Variants in FAM169A observed in about 807,000 individuals in gnomAD.
FAM169A encodes the protein soluble lamin-associated protein of 75 kDa.
A neutral mutation model predicts 75.7 loss-of-function variants in FAM169A; 24 were observed. The observed-to-expected ratio is 0.32, with a 90% confidence interval of 0.23 to 0.45. The LOEUF is 0.45. Ranked by LOEUF, FAM169A falls within the 20% of genes least tolerant of loss-of-function variation. The pLI is 1.00. For missense variants in FAM169A, 673 were observed against 784.0 expected, an observed-to-expected ratio of 0.86 and a Z score of 1.69; for synonymous variants, 271 against 271.0, an observed-to-expected ratio of 1.00 and a Z score of 0.00.
intron 1 of FAM169A, among the ~76,000 whole-genome samples, chr5:74,842,210 CAGG>C (rs1748907461): frequency 1.3e-5 from 2 of 151,084 alleles, no homozygotes; most frequent in African/African-American, 4.9e-5. Context: ...ATCATGAGGT[CAGG>C]AGTTCAAGAC....
At chr5:74,801,788 C>T (rs1303729620) in intron 8 of FAM169A, among the ~76,000 whole-genome samples, 159 bp from the exon 9 acceptor site, 2 of 152,164 alleles carry the variant, frequency 1.3e-5, no homozygotes, top group Admixed American at 1.3e-4. Flanking sequence ...TATAGTTCAG[C>T]TTCAGTTTAA....
Position 74,781,446 on chromosome 5 carries a change from A to G in FAM169A, c.*14T>C. ...TTACAAAGAAGAGGATTTATCATCC[A>G]CTTTCTTCTTCCTTCAGGTCAGCTT... is the stretch of plus-strand genomic sequence containing the variant. On this transcript the variant is annotated 3_prime_UTR_variant, in exon 13 of 13. Coordinates refer to ENST00000687041, the MANE Select transcript of FAM169A (RefSeq NM_001376049.1). The G allele has an allele frequency of 1.2e-6, 2 of 1,601,448 alleles. No individual in the cohort carries two copies. The highest frequency in any genetic ancestry group is 1.7e-6 in the Non-Finnish European group (2 of 1,171,752).
rs143812045 is a variant in FAM169A, at chr5:74,787,621, C to T, written c.1261-4487G>A. Among the ~76,000 whole-genome samples, 157 of 152,288 alleles carry T rather than the reference C, an allele frequency of 1.0e-3. 1 individual carries two copies. The highest frequency in any genetic ancestry group is 3.5e-3 in the African/African-American group (144 of 41,568). ...AGTCACTCAACTACAAAATTTAGAA[C>T]GGGAATAATTGGATCCTGACGTGGC... On this transcript the variant is annotated intron_variant, in intron 11 of 12. Coordinates refer to ENST00000687041, the MANE Select transcript of FAM169A (RefSeq NM_001376049.1).
At chr5:74,855,352 T>C (rs1749654229) in intron 1 of FAM169A, among the ~76,000 whole-genome samples, 5 of 152,230 alleles carry the variant, frequency 3.3e-5, no homozygotes, top group Admixed American at 2.0e-4. Context: ...TGCACCACCA[T>C]GTTCAGCTAA....
chr5:74,782,793 C>G, intron 12 of FAM169A, 138 bp downstream of exon 12: 1 of 529,466 alleles, frequency 1.9e-6, no homozygotes, highest in Non-Finnish European at 3.3e-6. Context: ...CTTATAATAT[C>G]AAATCTAGTA....
At chr5:74,804,028 T>C (rs1197406893) in intron 8 of FAM169A, among the ~76,000 whole-genome samples, 1 of 152,192 alleles carries the variant, frequency 6.6e-6, no homozygotes, top group Non-Finnish European at 1.5e-5. Flanking sequence ...TGTGCTGCTA[T>C]GTAACAATCA....
chr5:74,820,970 T>A lies in FAM169A; in HGVS notation c.491-6951A>T, dbSNP rs1258234908. 2.0e-5 allele frequency among the ~76,000 whole-genome samples: 3 copies of A among 152,220 alleles called. No homozygotes were observed. In the East Asian group the frequency reaches 5.8e-4, roughly 29 times the overall value. ...GCCTCAGGGCTTCTGCATTTTCAGC[T>A]CTTTGCCTGAAAATTTCTTCTCCTG... On this transcript the variant is annotated intron_variant, in intron 5 of 12. Coordinates refer to ENST00000687041, the MANE Select transcript of FAM169A (RefSeq NM_001376049.1).
At chr5:74,856,165 T>C (rs1248244224) in intron 1 of FAM169A, among the ~76,000 whole-genome samples, 3 of 152,254 alleles carry the variant, frequency 2.0e-5, no homozygotes, top group African/African-American at 7.2e-5. Context: ...GCTGGTACCA[T>C]GCTGTTTTGA....
chr5:74,836,605 C>T (rs996938418), intron 4 of FAM169A, among the ~76,000 whole-genome samples: 4 of 152,118 alleles, frequency 2.6e-5, no homozygotes, highest in African/African-American at 9.7e-5. Flanking sequence ...TCCTTACTGG[C>T]CAGGATTTGA....
At position 74,779,545 on chromosome 5, in the gene FAM169A, G is replaced by A. The variant is rs1391221869; in HGVS notation, c.*1915C>T. The stretch of plus-strand genomic sequence containing the variant: ...GAATCTTAACAGAGTATTTCCCTTT[G>A]TGATATTGACAGAAGTTTCTCATAA... On this transcript the variant is annotated 3_prime_UTR_variant, in exon 13 of 13. Transcript: ENST00000687041. 6.6e-6 allele frequency: 1 copy of A among 151,832 alleles called. No individual in the cohort carries two copies. The highest frequency in any genetic ancestry group is 1.5e-5 in the Non-Finnish European group (1 of 67,954). 9.4% of individuals were successfully genotyped at this position (151,832 alleles called of 1,614,324 possible).
At chr5:74,807,204 T>A (rs1286994234) in intron 6 of FAM169A, among the ~76,000 whole-genome samples, 1 of 152,282 alleles carries the variant, frequency 6.6e-6, no homozygotes, top group East Asian at 1.9e-4. Context: ...CTATCAAACA[T>A]CATAGCTTAG....
chr5:74,815,713 A>G (rs1747435835), intron 5 of FAM169A, among the ~76,000 whole-genome samples: 1 of 152,200 alleles, frequency 6.6e-6, no homozygotes, highest in Non-Finnish European at 1.5e-5. Flanking sequence ...TGCAGGTCAT[A>G]AACACCCTGC....
chr5:74,826,322 G>GTTATATATA (rs1748024305), intron 5 of FAM169A, among the ~76,000 whole-genome samples: 2 of 152,024 alleles, frequency 1.3e-5, no homozygotes, highest in Non-Finnish European at 1.5e-5. Context: ...ATGACTATCT[G>GTTATATATA]TTCATAATTA....
At chr5:74,807,106 T>C (rs1746926475) in intron 6 of FAM169A, among the ~76,000 whole-genome samples, 1 of 152,150 alleles carries the variant, frequency 6.6e-6, no homozygotes, top group South Asian at 2.1e-4. Context: ...ATACAGATGC[T>C]CCCTGACTTA....
At position 74,866,156 on chromosome 5, in the gene FAM169A, C is replaced by T. The variant is rs1195553462; in HGVS notation, c.-4+9G>A. The stretch of plus-strand genomic sequence containing the variant: ...AGCGGTCCGCGCCGGGGAGAGGGAG[C>T]GCACTCACCTCAGACGCGCCCCGGG... On this transcript the variant is annotated intron_variant, in intron 1 of 12. Transcript: ENST00000687041. 5 of 979,030 alleles carry T rather than the reference C, an allele frequency of 5.1e-6. No individual in the cohort carries two copies. Among genetic ancestry groups the T allele is most frequent in the South Asian group, 9.4e-5 (2 of 21,200 alleles). The allele number at this position is 979,030 out of a possible 1,614,324, so 60.6% of individuals were successfully genotyped here.
intron 5 of FAM169A, among the ~76,000 whole-genome samples, chr5:74,820,267 A>C (rs1747707370): frequency 6.6e-6 from 1 of 152,216 alleles, no homozygotes. Flanking sequence ...AAGTGTTGGG[A>C]TTACAGGCAT....
intron 5 of FAM169A, among the ~76,000 whole-genome samples, chr5:74,822,454 T>A (rs1345097917): frequency 2.0e-5 from 3 of 152,182 alleles, no homozygotes; most frequent in Non-Finnish European, 4.4e-5. Context: ...CAGCCTCAGC[T>A]AACTTTCCTC....
intron 1 of FAM169A, chr5:74,865,393 C>T (rs1750266566): frequency 6.6e-6 from 1 of 152,130 alleles, no homozygotes; most frequent in Admixed American, 6.5e-5. Context: ...AGGTGGTTAT[C>T]TTCGAATCCA....
chr5:74,834,425 C>T lies in FAM169A; in HGVS notation c.490+1G>A. 1 of 1,480,748 alleles carries T rather than the reference C, an allele frequency of 6.8e-7. No homozygotes were observed. The allele number at this position is 1,480,748 out of a possible 1,614,324, so 91.7% of individuals were successfully genotyped here. ...AGTTTAAATAACTTTTAAAGACTCA[C>T]CTGTAGGCTTAACTGAATAAAACCC... On this transcript the variant is annotated splice_donor_variant, in intron 5 of 12. Coordinates refer to ENST00000687041, the MANE Select transcript of FAM169A (RefSeq NM_001376049.1). LOFTEE classifies it high-confidence loss of function.
Sources: allele counts gnomAD v4.1 joint callset (sites outside exome capture counted in the v4.1 genomes callset), GRCh38; gene constraint gnomAD v4.1.1; transcripts MANE v1.5; gene names NCBI Gene and HGNC (gene_info 2026-07-23, HGNC 2026-07-21).